NFIB: variants seen among roughly 807,000 people sequenced by gnomAD.
The protein encoded by NFIB is nuclear factor I B, also known as nuclear factor 1 B-type.
A neutral mutation model predicts 61.5 loss-of-function variants in NFIB; 11 were observed. The ratio of observed to expected loss-of-function variants is 0.18; its 90% confidence interval spans 0.11 to 0.30. The LOEUF is 0.30. Ranked by LOEUF, NFIB falls within the 10% of genes least tolerant of loss-of-function variation. The probability of loss-of-function intolerance (pLI) is 1.00; values close to 1 mark genes in which losing one functional copy is unlikely to be tolerated. For synonymous variants in NFIB, 260 were observed against 216.5 expected, an observed-to-expected ratio of 1.20 and a Z score of -1.76; for missense variants, 471 against 608.9, an observed-to-expected ratio of 0.77 and a Z score of 2.38.
At chr9:14,394,068 A>T (rs1372607179) in intron 1 of NFIB, among the ~76,000 whole-genome samples, 3 of 152,212 alleles carry the variant, frequency 2.0e-5, no homozygotes, top group Non-Finnish European at 4.4e-5. Context: ...ATCCTACTTC[A>T]ATAGTCATTT....
intron 10 of NFIB, among the ~76,000 whole-genome samples, chr9:14,098,734 G>A (rs959205511): frequency 6.6e-6 from 1 of 152,198 alleles, no homozygotes; most frequent in Admixed American, 6.5e-5. Flanking sequence ...TGGGTTAACT[G>A]CAGTTCCTGA....
intron 2 of NFIB, among the ~76,000 whole-genome samples, chr9:14,219,166 C>G (rs879317927): frequency 1.3e-5 from 2 of 152,138 alleles, no homozygotes; most frequent in Non-Finnish European, 2.9e-5. Context: ...GGCACAGCCT[C>G]TCACAACTCC....
At position 14,313,565 on chromosome 9, in the gene NFIB, G is replaced by A. The variant is rs370622342; in HGVS notation, c.-54C>T. 1.1e-5 allele frequency: 18 copies of A among 1,612,516 alleles called. No individual in the cohort carries two copies. The African/African-American group carries it at 1.5e-4, about 13-fold the overall frequency. ...AGATGCCCAAGAAAATCTTCGAGAA[G>A]CAAGAATTTCATCTATTCATTTTAC... On this transcript the variant is annotated 5_prime_UTR_variant, in exon 1 of 11. Transcript: ENST00000380953. The surrounding 1 kb of genome is among the most constrained non-coding windows in gnomAD (Gnocchi z 4.5).
At chr9:14,173,854 A>C (rs12344913) in intron 3 of NFIB, among the ~76,000 whole-genome samples, 8,532 of 151,838 alleles carry the variant, frequency 0.056, 713 homozygotes, top group African/African-American at 0.18. Context: ...CCTTTTTTTG[A>C]CTCTTTCACA....
chr9:14,442,795 C>A, the NFIB span, among the ~76,000 whole-genome samples: 6 of 152,156 alleles, frequency 3.9e-5, no homozygotes, highest in Admixed American at 3.9e-4. Flanking sequence ...GTCCAACATA[C>A]CTTTTTGAGG....
chr9:14,286,767 G>A (rs566082599), intron 2 of NFIB, among the ~76,000 whole-genome samples: 36 of 151,178 alleles, frequency 2.4e-4, no homozygotes, highest in Non-Finnish European at 4.7e-4. Flanking sequence ...GGTGCTCAGT[G>A]AATAGTTGTT....
chr9:14,463,517 T>C, the NFIB span, among the ~76,000 whole-genome samples: 3 of 152,138 alleles, frequency 2.0e-5, no homozygotes, highest in Non-Finnish European at 4.4e-5. Flanking sequence ...ATGTTGTTAA[T>C]AGCAAAGGAA....
At position 14,083,582 on chromosome 9, in the gene NFIB, G is replaced by T; in HGVS notation, c.*4727C>A. On this transcript the variant is annotated 3_prime_UTR_variant, in exon 11 of 11. Transcript: ENST00000380953. ...TAACAAAAGACCTTGACAGGAACAT[G>T]TAAACTATATTGAATGTCATGCTTG... 1 of 221,610 alleles carries T rather than the reference G, an allele frequency of 4.5e-6. No homozygotes were observed. The allele number at this position is 221,610 out of a possible 1,614,324, so 13.7% of individuals were successfully genotyped here.
intron 2 of NFIB, among the ~76,000 whole-genome samples, chr9:14,271,711 G>C (rs1378941027): frequency 1.3e-5 from 2 of 152,146 alleles, no homozygotes; most frequent in Non-Finnish European, 2.9e-5. Flanking sequence ...ATGAGATAAA[G>C]TCAGGGATTA....
chr9:14,413,256 C>T, the NFIB span, among the ~76,000 whole-genome samples: 2 of 152,128 alleles, frequency 1.3e-5, no homozygotes, highest in African/African-American at 4.8e-5. Flanking sequence ...AAAAAATGCA[C>T]CATTTTGGGG....
chr9:14,467,233 C>T, the NFIB span, among the ~76,000 whole-genome samples: 98 of 152,254 alleles, frequency 6.4e-4, no homozygotes, highest in Admixed American at 5.8e-3. Context: ...AAGGCTATTC[C>T]GTGCTAAAGA....
rs1474450236 is a variant in NFIB, at chr9:14,083,520, T to C, written c.*4789A>G. 6 of 212,644 alleles carry C rather than the reference T, an allele frequency of 2.8e-5. No homozygotes were observed. Among genetic ancestry groups the C allele is most frequent in the Non-Finnish European group, 5.6e-5 (6 of 106,374 alleles). The allele number at this position is 212,644 out of a possible 1,614,324, so 13.2% of individuals were successfully genotyped here. On this transcript the variant is annotated 3_prime_UTR_variant, in exon 11 of 11. Coordinates refer to ENST00000380953, the MANE Select transcript of NFIB (RefSeq NM_001190737.2). ...AAAAAAGTTTTCTATAGAAACCCAA[T>C]TTCTTAAAGTCCAGAAAGCATGCAG... is the stretch of plus-strand genomic sequence containing the variant.
the NFIB span, among the ~76,000 whole-genome samples, chr9:14,461,142 G>T: frequency 4.5e-4 from 68 of 152,196 alleles, 1 homozygote; most frequent in African/African-American, 1.6e-3. Context: ...GCAATTGTCT[G>T]TACACCACCA....
At chr9:14,489,117 C>T in the NFIB span, among the ~76,000 whole-genome samples, 23 of 152,180 alleles carry the variant, frequency 1.5e-4, no homozygotes, top group Non-Finnish European at 2.9e-4. Flanking sequence ...CCATTTGGTA[C>T]CCTAGGTAAG....
the NFIB span, among the ~76,000 whole-genome samples, chr9:14,483,900 T>C: frequency 1.3e-5 from 2 of 152,252 alleles, no homozygotes; most frequent in South Asian, 4.1e-4. Flanking sequence ...ACACATTTTA[T>C]TCTTGGCACA....
At chr9:14,202,220 A>G (rs762745830) in intron 2 of NFIB, among the ~76,000 whole-genome samples, 14 of 152,278 alleles carry the variant, frequency 9.2e-5, no homozygotes, top group Non-Finnish European at 1.9e-4. Context: ...AGCAACTAAA[A>G]CATGAGAGAC....
chr9:14,131,774 G>A (rs1014917787), intron 6 of NFIB, among the ~76,000 whole-genome samples: 1 of 152,112 alleles, frequency 6.6e-6, no homozygotes, highest in East Asian at 1.9e-4. Flanking sequence ...TCCTCAGTCT[G>A]TAGCAGCCTG....
chr9:14,407,896 C>G, the NFIB span, among the ~76,000 whole-genome samples: 4 of 151,934 alleles, frequency 2.6e-5, no homozygotes, highest in Non-Finnish European at 4.4e-5. Flanking sequence ...TGTGTTGCCT[C>G]GGTAGGTCTT....
intron 6 of NFIB, 108 bp downstream of exon 6, chr9:14,146,581 A>G (rs1053048904): frequency 6.8e-7 from 1 of 1,474,628 alleles, no homozygotes; most frequent in Admixed American, 2.0e-5. Flanking sequence ...TTTATGAAAA[A>G]AATATACAAT....
Sources: allele counts gnomAD v4.1 joint callset (sites outside exome capture counted in the v4.1 genomes callset), GRCh38; gene constraint gnomAD v4.1.1; non-coding constraint Gnocchi (gnomAD v3.1); transcripts MANE v1.5; gene names NCBI Gene and HGNC (gene_info 2026-07-23, HGNC 2026-07-21).